The following OOSP2 variants were observed in gnomAD, a reference collection of about 807,000 sequenced individuals.
The protein encoded by OOSP2 is oocyte secreted protein 2, also known as oocyte-secreted protein 2.
A neutral mutation model predicts 13.4 loss-of-function variants in OOSP2; 7 were observed. That is an observed-to-expected ratio of 0.52 (90% CI 0.30 to 0.98). The LOEUF (loss-of-function observed/expected upper bound fraction) is 0.98. Ranked by LOEUF, OOSP2 falls within the 50% of genes least tolerant of loss-of-function variation. The pLI, the probability that OOSP2 is intolerant of heterozygous loss-of-function variation, is 0.07. For missense variants in OOSP2, 184 were observed against 188.5 expected, an observed-to-expected ratio of 0.98 and a Z score of 0.14; for synonymous variants, 75 against 67.2, an observed-to-expected ratio of 1.12 and a Z score of -0.57.
At chr11:60,045,302 G>A (rs1246103540) in intron 3 of OOSP2, among the ~76,000 whole-genome samples, 1 of 151,850 alleles carries the variant, frequency 6.6e-6, no homozygotes. Flanking sequence ...TTGTGGAACT[G>A]AGATATTGAA....
rs371474191 is a variant in OOSP2 at position 60,040,411 on chromosome 11, T to C, written c.-49T>C. On this transcript the variant is annotated 5_prime_UTR_variant, in exon 1 of 4. Transcript: ENST00000278855. The stretch of plus-strand genomic sequence containing the variant: ...ATCACTTAAACCAGTCGCCACTCCT[T>C]GTTTCCTGAGTTGTCCTGTGCTGGA... 21 of 1,120,350 alleles carry C rather than the reference T, an allele frequency of 1.9e-5. No homozygotes were observed. In the African/African-American group the frequency reaches 2.7e-4, roughly 15 times the overall value. The allele number at this position is 1,120,350 out of a possible 1,614,324, so 69.4% of individuals were successfully genotyped here.
intron 3 of OOSP2, 104 bp from the exon 4 acceptor site, chr11:60,046,840 C>T: frequency 1.1e-6 from 1 of 949,266 alleles, no homozygotes; most frequent in South Asian, 1.3e-5. Context: ...ATGCCATACT[C>T]CTGAATGACT....
chr11:60,044,616 GTA>G, intron 2 of OOSP2, 53 bp from the exon 3 acceptor site: 1 of 784,460 alleles, frequency 1.3e-6, no homozygotes, highest in Non-Finnish European at 2.3e-6. Flanking sequence ...TCAAGTGTGT[GTA>G]TTCCTCATCT....
intron 1 of OOSP2, among the ~76,000 whole-genome samples, chr11:60,042,085 C>G (rs1854941111): frequency 1.3e-5 from 2 of 152,134 alleles, no homozygotes; most frequent in South Asian, 4.1e-4. Flanking sequence ...CGCCACTGCA[C>G]TCCATCCTGG....
At position 60,043,587 on chromosome 11, in the gene OOSP2, G is replaced by C. The variant is rs2134639805; in HGVS notation, c.183G>C (p.Arg61=). Residue 61 remains arginine, a synonymous_variant, in exon 2 of 4, where the codon CGG becomes CGC. Transcript: ENST00000278855. Reference sequence around the variant, plus strand: ...TGGGAATGGGCTGCCCTGCAAATCGGATACATACATATGTATATGAGTTTA... The same window carrying C: ...TGGGAATGGGCTGCCCTGCAAATCGCATACATACATATGTATATGAGTTTA... ...LHLGMGCPAN[R]IHTYVYEFIY... is the part of the protein sequence containing the mutation. The C allele has an allele frequency of 6.2e-7, 1 of 1,607,918 alleles. No individual in the cohort carries two copies. The highest frequency in any genetic ancestry group is 8.5e-7 in the Non-Finnish European group (1 of 1,174,428).
intron 2 of OOSP2, 72 bp downstream of exon 2, chr11:60,043,719 C>G: frequency 1.2e-6 from 1 of 825,910 alleles, no homozygotes; most frequent in Non-Finnish European, 1.9e-6. Flanking sequence ...TTAAAATTGT[C>G]TTTTAAAAAA....
chr11:60,043,861 C>A (rs1854973096), intron 2 of OOSP2: 1 of 374,160 alleles, frequency 2.7e-6, no homozygotes, highest in Non-Finnish European at 4.8e-6. Context: ...GGCTAGGGAA[C>A]TGATTCTAAG....
rs771483948 is a variant in OOSP2 at position 60,043,462 on chromosome 11, T to A, written c.65-7T>A. On this transcript the variant is annotated splice_polypyrimidine_tract_variant and splice_region_variant and intron_variant, in intron 1 of 3. Coordinates refer to ENST00000278855, the MANE Select transcript of OOSP2 (RefSeq NM_173801.5). ...TTCTGATGCTTTTCATATGGTTCTT[T>A]CCACAGTGAAAATAAGTTGCTCTCT... is the stretch of plus-strand genomic sequence containing the variant. The A allele has an allele frequency of 6.2e-7, 1 of 1,602,576 alleles. No individual in the cohort carries two copies. Among genetic ancestry groups the A allele is most frequent in the South Asian group, 1.1e-5 (1 of 90,654 alleles).
chr11:60,046,100 C>G (rs1465893996), intron 3 of OOSP2, among the ~76,000 whole-genome samples: 3 of 151,082 alleles, frequency 2.0e-5, no homozygotes, highest in Admixed American at 6.6e-5. Context: ...CTGTCTCTGT[C>G]CCTGTCTCTC....
chr11:60,045,430 C>A (rs1854995757), intron 3 of OOSP2, among the ~76,000 whole-genome samples: 2 of 151,352 alleles, frequency 1.3e-5, no homozygotes, highest in South Asian at 4.2e-4. Flanking sequence ...GAGTGAAGAA[C>A]CTTGGAAACT....
rs1565054757 is a variant in OOSP2, at chr11:60,043,515, A to G, written c.111A>G (p.Pro37=). 1.2e-6 allele frequency: 2 copies of G among 1,613,472 alleles called. No homozygotes were observed. The highest frequency in any genetic ancestry group is 1.3e-5 in the African/African-American group (1 of 75,020). The part of the protein sequence containing the change: ...SLDWLMVSVI[P]VAESRNLYIF... ...ACTGGTTGATGGTCTCAGTTATCCC[A>G]GTTGCAGAAAGCAGAAATCTGTATA... is the stretch of plus-strand genomic sequence containing the variant. The change falls in exon 2 of 4, where the codon CCA becomes CCG. Residue 37 remains proline (P), a synonymous_variant. Transcript: ENST00000278855.
chr11:60,047,748 T>G lies in OOSP2; in HGVS notation c.*675T>G, dbSNP rs531566219. The G allele has an allele frequency of 2.0e-5, 3 of 152,322 alleles. No homozygotes were observed. Among genetic ancestry groups the G allele is most frequent in the African/African-American group, 7.2e-5 (3 of 41,590 alleles). The allele number at this position is 152,322 out of a possible 1,614,324, so 9.4% of individuals were successfully genotyped here. A position where few individuals can be genotyped will look rare whatever the true frequency, so the allele number is the denominator to read the frequency against. On this transcript the variant is annotated 3_prime_UTR_variant, in exon 4 of 4. Coordinates refer to ENST00000278855, the MANE Select transcript of OOSP2 (RefSeq NM_173801.5). ...CAAAATAATTGAATGGTTGAGTTGG[T>G]TAAGCAAAGAGTTATCCTGCCACCT...
chr11:60,040,906 CAG>C (rs1441921157), intron 1 of OOSP2, among the ~76,000 whole-genome samples: 2 of 152,148 alleles, frequency 1.3e-5, no homozygotes, highest in African/African-American at 4.8e-5. Context: ...TTCCTGCTTC[CAG>C]ACTCATATTT....
At chr11:60,044,512 C>G (rs1004316187) in intron 2 of OOSP2, among the ~76,000 whole-genome samples, 159 bp from the exon 3 acceptor site, 3 of 152,230 alleles carry the variant, frequency 2.0e-5, no homozygotes, top group African/African-American at 7.2e-5. Context: ...AGGGATAACA[C>G]TCCTCTTCTG....
chr11:60,044,784 G>C lies in OOSP2; in HGVS notation c.347+10G>C. ...AGTGTTCCACCTCTAGGTAAGTCCAGCAGATTTGATTCCTTTGGAATGTTT... is the reference window on the plus strand; with the variant it reads ...AGTGTTCCACCTCTAGGTAAGTCCACCAGATTTGATTCCTTTGGAATGTTT... On this transcript the variant is annotated intron_variant, in intron 3 of 3. Coordinates refer to ENST00000278855, the MANE Select transcript of OOSP2 (RefSeq NM_173801.5). 4 of 1,295,550 alleles carry C rather than the reference G, an allele frequency of 3.1e-6. No individual in the cohort carries two copies. Among genetic ancestry groups the C allele is most frequent in the Non-Finnish European group, 4.5e-6 (4 of 894,850 alleles). 80.3% of individuals were successfully genotyped at this position (1,295,550 alleles called of 1,614,324 possible).
chr11:60,045,065 TTAAA>T (rs1222044750), intron 3 of OOSP2, among the ~76,000 whole-genome samples: 2 of 152,230 alleles, frequency 1.3e-5, no homozygotes, highest in African/African-American at 4.8e-5. Context: ...AGCAGAGTCA[TTAAA>T]TACTCTGTCA....
At position 60,047,189 on chromosome 11, in the gene OOSP2, TA is replaced by T; in HGVS notation, c.*121del. ...TATCTCTCCTTAAGTCTCTGGTTTC[TA>T]AAAACCCTACTTCAGTAAAGGTCCT... On this transcript the variant is annotated 3_prime_UTR_variant, in exon 4 of 4. Coordinates refer to ENST00000278855, the MANE Select transcript of OOSP2 (RefSeq NM_173801.5). 1.2e-6 allele frequency: 1 copy of T among 811,816 alleles called. No individual in the cohort carries two copies. The highest frequency in any genetic ancestry group is 1.9e-6 in the Non-Finnish European group (1 of 514,208). 50.3% of individuals were successfully genotyped at this position (811,816 alleles called of 1,614,324 possible). A position where few individuals can be genotyped will look rare whatever the true frequency, so the allele number is the denominator to read the frequency against.
chr11:60,043,596 A>G lies in OOSP2; in HGVS notation c.192A>G (p.Thr64=). 1.9e-6 allele frequency: 3 copies of G among 1,598,434 alleles called. No individual in the cohort carries two copies. Among genetic ancestry groups the G allele is most frequent in the Non-Finnish European group, 2.6e-6 (3 of 1,165,716 alleles). The change falls in exon 2 of 4, where the codon ACA becomes ACG. Residue 64 remains threonine, a synonymous_variant. Transcript: ENST00000278855. ...GMGCPANRIH[T]YVYEFIYLVR... Reference sequence around the variant, plus strand: ...GCTGCCCTGCAAATCGGATACATACATATGTATATGAGTTTATATATCTTG... The same window carrying G: ...GCTGCCCTGCAAATCGGATACATACGTATGTATATGAGTTTATATATCTTG...
rs1446250182 is a variant in OOSP2, at chr11:60,048,006, A to T, written c.*933A>T. 1 of 152,080 alleles carries T rather than the reference A, an allele frequency of 6.6e-6. No homozygotes were observed. The highest frequency in any genetic ancestry group is 2.4e-5 in the African/African-American group (1 of 41,420). The allele number at this position is 152,080 out of a possible 1,614,324, so 9.4% of individuals were successfully genotyped here. A position where few individuals can be genotyped will look rare whatever the true frequency, so the allele number is the denominator to read the frequency against. On this transcript the variant is annotated 3_prime_UTR_variant, in exon 4 of 4. Coordinates refer to ENST00000278855, the MANE Select transcript of OOSP2 (RefSeq NM_173801.5). ...TTTTGCCAAGATACTGTTTATTATT[A>T]TTTTTAATTAAAGTGATACTATTCC...
Sources: allele counts gnomAD v4.1 joint callset (sites outside exome capture counted in the v4.1 genomes callset), GRCh38; gene constraint gnomAD v4.1.1; transcripts MANE v1.5; gene names NCBI Gene and HGNC (gene_info 2026-07-23, HGNC 2026-07-21).